TMEM196: variants seen among roughly 807,000 people sequenced by gnomAD.
TMEM196 encodes the protein transmembrane protein 196.
In TMEM196, 17 loss-of-function variants were observed where a neutral mutation model predicts 20.0. The observed-to-expected ratio is 0.85, with a 90% CI of 0.58 to 1.27. TMEM196 has a LOEUF of 1.27. Among genes scored for constraint, TMEM196 ranks in the 50% most tolerant of loss-of-function variants. The pLI, the probability that TMEM196 is intolerant of heterozygous loss-of-function variation, is 0.00. For synonymous variants in TMEM196, 113 were observed against 88.9 expected (o/e 1.27, Z -1.52); for missense variants, 267 against 223.0 (o/e 1.20, Z -1.26).
chr7:19,756,921 C>T (rs1785242184), intron 1 of TMEM196, among the ~76,000 whole-genome samples: 1 of 152,066 alleles, frequency 6.6e-6, no homozygotes, highest in South Asian at 2.1e-4. Flanking sequence ...TCACACTAGC[C>T]ACATCTCAAG....
intron 1 of TMEM196, among the ~76,000 whole-genome samples, chr7:19,731,164 A>T (rs1784188222): frequency 6.6e-6 from 1 of 152,210 alleles, no homozygotes; most frequent in African/African-American, 2.4e-5. Context: ...AAGGCAAAAA[A>T]TGTTGGGATT....
At chr7:19,748,383 G>T (rs1295889900) in intron 1 of TMEM196, among the ~76,000 whole-genome samples, 1 of 150,928 alleles carries the variant, frequency 6.6e-6, no homozygotes, top group Non-Finnish European at 1.5e-5. Context: ...TTATTACTAT[G>T]CATTTACAAT....
intron 1 of TMEM196, among the ~76,000 whole-genome samples, chr7:19,764,036 T>G (rs1012164233): frequency 6.6e-6 from 1 of 152,230 alleles, no homozygotes. Context: ...CACAAATTTC[T>G]ATTTTTATAT....
chr7:19,743,358 T>C (rs1000523397), intron 1 of TMEM196, among the ~76,000 whole-genome samples: 4 of 152,196 alleles, frequency 2.6e-5, no homozygotes, highest in African/African-American at 7.2e-5. Flanking sequence ...TTTCACTCTC[T>C]CTTTTCAGAG....
intron 1 of TMEM196, among the ~76,000 whole-genome samples, chr7:19,742,228 C>A (rs1158068080): frequency 6.6e-6 from 1 of 152,130 alleles, no homozygotes; most frequent in Admixed American, 6.5e-5. Flanking sequence ...TTTAACCCAT[C>A]AGGTACTATA....
intron 1 of TMEM196, among the ~76,000 whole-genome samples, chr7:19,749,560 A>C (rs1214916877): frequency 1.3e-5 from 2 of 152,198 alleles, no homozygotes; most frequent in Non-Finnish European, 2.9e-5. Flanking sequence ...GTATATTTAA[A>C]TGTATGGAAC....
intron 1 of TMEM196, among the ~76,000 whole-genome samples, chr7:19,756,154 C>T (rs1448693188): frequency 2.6e-5 from 4 of 151,542 alleles, no homozygotes; most frequent in Non-Finnish European, 5.9e-5. Flanking sequence ...AAATGCAAAC[C>T]ACATATATCA....
chr7:19,743,155 A>C (rs146609745), intron 1 of TMEM196, among the ~76,000 whole-genome samples: 1 of 152,140 alleles, frequency 6.6e-6, no homozygotes, highest in African/African-American at 2.4e-5. Context: ...TGGGCTTTTA[A>C]GTTCTTTAAG....
chr7:19,737,078 T>C (rs1020766350), intron 1 of TMEM196, among the ~76,000 whole-genome samples: 28 of 151,544 alleles, frequency 1.8e-4, no homozygotes, highest in African/African-American at 6.3e-4. Context: ...TGTAGAAAAA[T>C]ATTGAAGGGA....
intron 2 of TMEM196, among the ~76,000 whole-genome samples, chr7:19,728,485 A>G (rs1784076647): frequency 6.6e-6 from 1 of 152,176 alleles, no homozygotes; most frequent in African/African-American, 2.4e-5. Context: ...CCTTTTTGCC[A>G]TAATAGATGT....
At chr7:19,752,204 A>G (rs1051324168) in intron 1 of TMEM196, among the ~76,000 whole-genome samples, 9 of 152,222 alleles carry the variant, frequency 5.9e-5, no homozygotes, top group African/African-American at 2.2e-4. Flanking sequence ...GTGTGCATGT[A>G]GCCAGATGCA....
chr7:19,736,671 T>C (rs7783390), intron 1 of TMEM196, among the ~76,000 whole-genome samples: 70,702 of 151,172 alleles, frequency 0.47, 19,567 homozygotes, highest in East Asian at 0.92. Flanking sequence ...CATTTTAGGG[T>C]TCTCCACTTC....
chr7:19,758,453 T>A (rs1008041142), intron 1 of TMEM196, among the ~76,000 whole-genome samples: 1 of 152,200 alleles, frequency 6.6e-6, no homozygotes, highest in Admixed American at 6.5e-5. Flanking sequence ...ATTTTCCTTT[T>A]GGTTGAAAGA....
At chr7:19,763,969 A>T (rs1477746298) in intron 1 of TMEM196, among the ~76,000 whole-genome samples, 2 of 152,166 alleles carry the variant, frequency 1.3e-5, no homozygotes, top group African/African-American at 4.8e-5. Context: ...CCAGATCTTA[A>T]TAGCTTCCAA....
At chr7:19,738,459 G>A (rs1250546431) in intron 1 of TMEM196, among the ~76,000 whole-genome samples, 4 of 151,964 alleles carry the variant, frequency 2.6e-5, no homozygotes, top group African/African-American at 4.8e-5. Context: ...CTGACAAGTC[G>A]CAGGAGGAGC....
At chr7:19,743,121 C>T (rs969038551) in intron 1 of TMEM196, among the ~76,000 whole-genome samples, 1 of 152,094 alleles carries the variant, frequency 6.6e-6, no homozygotes, top group Non-Finnish European at 1.5e-5. Flanking sequence ...CTCATTTCCC[C>T]CATCAAAGAA....
In TMEM196 at chr7:19,725,605, C is replaced by T. The variant is rs1783970214; in HGVS notation, c.368G>A (p.Trp123Ter). ...ATAACTGGCTAGTCGACAAGTGAGC[C>T]AGGAAGAGAGAGTGCAGCCCCCGAT... ...IGIGGCTLSS[W>*]LTCRLASYEQ... Residue 123 changes from tryptophan to a stop codon, truncating the protein, a stop_gained, in exon 3 of 5, where the codon TGG becomes TAG. Transcript: ENST00000405844. LOFTEE classifies it high-confidence loss of function. 1 of 1,613,936 alleles carries T rather than the reference C, an allele frequency of 6.2e-7. No individual in the cohort carries two copies. The highest frequency in any genetic ancestry group is 8.5e-7 in the Non-Finnish European group (1 of 1,179,990).
intron 1 of TMEM196, among the ~76,000 whole-genome samples, chr7:19,752,937 GTC>G (rs1470005023): frequency 2.0e-5 from 3 of 151,992 alleles, no homozygotes; most frequent in Non-Finnish European, 4.4e-5. Flanking sequence ...TAAAATCAAT[GTC>G]TCTCCAAATT....
chr7:19,754,599 C>G (rs1309211829), intron 1 of TMEM196, among the ~76,000 whole-genome samples: 3 of 151,918 alleles, frequency 2.0e-5, no homozygotes, highest in African/African-American at 7.3e-5. Flanking sequence ...TGATGAAATT[C>G]TTTTCTGTAG....
Sources: allele counts gnomAD v4.1 joint callset (sites outside exome capture counted in the v4.1 genomes callset), GRCh38; gene constraint gnomAD v4.1.1; transcripts MANE v1.5; gene names NCBI Gene and HGNC (gene_info 2026-07-23, HGNC 2026-07-21).